The following TSC2 variants were observed in gnomAD, a reference collection of about 807,000 sequenced individuals.
TSC2 encodes TSC complex subunit 2.
TSC2 carries 29 observed loss-of-function variants against 202.2 expected under a neutral mutation model. The ratio of observed to expected loss-of-function variants is 0.14; its 90% CI spans 0.11 to 0.20. The LOEUF (loss-of-function observed/expected upper bound fraction) is 0.20, where lower values mean the gene tolerates loss of function less well. Among genes scored for constraint, TSC2 ranks in the 10% least tolerant of loss-of-function variants. The pLI is 1.00. For synonymous variants in TSC2, 1,349 were observed against 1,044.0 expected, an observed-to-expected ratio of 1.29 and a Z score of -5.63; for missense variants, 2,429 against 2,420.0, an observed-to-expected ratio of 1.00 and a Z score of -0.08.
At chr16:2,056,330 C>T in intron 7 of TSC2, 86 bp downstream of exon 7, 1 of 1,569,342 alleles carries the variant, frequency 6.4e-7, no homozygotes, top group Non-Finnish European at 8.7e-7. Flanking sequence ...TGTGTGCCAC[C>T]TGCTGGCTGT....
rs746177025 is a variant in TSC2, at chr16:2,060,693, G to C, written c.999G>C (p.Val333=). The change falls in exon 11 of 42, where the codon GTG becomes GTC. Residue 333 remains valine (V), a synonymous_variant. Coordinates refer to ENST00000219476, the MANE Select transcript of TSC2 (RefSeq NM_000548.5). ...FYQAMACPNE[V]VSYEIVLSIT... The stretch of plus-strand genomic sequence containing the variant: ...AGGCCATGGCATGTCCGAACGAGGT[G>C]GTGTCCTATGAGATCGTCCTGTCCA... 1 of 1,614,112 alleles carries C rather than the reference G, an allele frequency of 6.2e-7. No homozygotes were observed. The highest frequency in any genetic ancestry group is 1.1e-5 in the South Asian group (1 of 91,078).
intron 33 of TSC2, 142 bp downstream of exon 33, chr16:2,083,958 G>T: frequency 7.0e-7 from 1 of 1,421,128 alleles, no homozygotes; most frequent in Non-Finnish European, 9.3e-7. Flanking sequence ...GTGCACAGAC[G>T]GTCTGCACTT....
intron 5 of TSC2, 48 bp from the exon 6 acceptor site, chr16:2,055,354 G>C: frequency 6.9e-7 from 1 of 1,448,218 alleles, no homozygotes; most frequent in Non-Finnish European, 9.7e-7. Context: ...AGGTGAGTGG[G>C]AGATGTAGAT....
chr16:2,058,258 C>T (rs1049584022), intron 9 of TSC2, among the ~76,000 whole-genome samples: 2 of 152,248 alleles, frequency 1.3e-5, no homozygotes, highest in Admixed American at 6.5e-5. Context: ...CTCCCCTCCA[C>T]CAAGGGCTTG....
At chr16:2,057,780 T>G (rs1481963212) in intron 9 of TSC2, among the ~76,000 whole-genome samples, 1 of 149,614 alleles carries the variant, frequency 6.7e-6, no homozygotes, top group African/African-American at 2.5e-5. Context: ...GCCTCAGCCC[T>G]GCATCTCTCC....
chr16:2,057,628 C>T (rs1339457477), intron 9 of TSC2, among the ~76,000 whole-genome samples: 1 of 152,198 alleles, frequency 6.6e-6, no homozygotes, highest in Non-Finnish European at 1.5e-5. Context: ...TCCGCGCCTC[C>T]TGAAGCCCAC....
rs1596342301 is a variant in TSC2, at chr16:2,071,542, C to G, written c.1872C>G (p.Asp624Glu). The G allele has an allele frequency of 1.2e-6, 2 of 1,613,576 alleles. No individual in the cohort carries two copies. Among genetic ancestry groups the G allele is most frequent in the Non-Finnish European group, 8.5e-7 (1 of 1,180,030 alleles). ...AFDFLLLLRADSLHRLGLPNK... is the reference protein window; with the variant it reads ...AFDFLLLLRAESLHRLGLPNK... ...ACTTCCTGTTGCTGCTGCGGGCCGA[C>G]TCACTGCACCGCCTGGGCCTGCCCA... Residue 624 changes from aspartate to glutamate, a missense_variant, in exon 18 of 42, where the codon GAC (aspartate) becomes GAG (glutamate). Transcript: ENST00000219476.
chr16:2,063,953 T>G, intron 14 of TSC2: 2 of 453,458 alleles, frequency 4.4e-6, no homozygotes, highest in Non-Finnish European at 4.1e-6. Flanking sequence ...CAGCACCATG[T>G]GGGAGGGGTT....
Position 2,055,537 on chromosome 16 carries a change from A to G in TSC2, c.599+18A>G. The G allele has an allele frequency of 6.2e-7, 1 of 1,603,728 alleles. No individual in the cohort carries two copies. Among genetic ancestry groups the G allele is most frequent in the Non-Finnish European group, 8.5e-7 (1 of 1,170,616 alleles). On this transcript the variant is annotated intron_variant, in intron 6 of 41. Transcript: ENST00000219476. ...ATGGTTCAGTAAGAAAAGAATTGAG[A>G]TCCTGTTCTGATAATGGTCCTAAGT...
At chr16:2,078,745 T>G (rs2089738816) in intron 26 of TSC2, 1 of 502,030 alleles carries the variant, frequency 2.0e-6, no homozygotes, top group Non-Finnish European at 3.7e-6. Context: ...CAGGAGGCCG[T>G]AACCTAGTGC....
intron 22 of TSC2, 95 bp from the exon 23 acceptor site, chr16:2,075,704 C>A: frequency 7.4e-7 from 1 of 1,344,348 alleles, no homozygotes; most frequent in African/African-American, 1.4e-5. Context: ...TCCTCTGCAG[C>A]ACCCCATCGC....
intron 3 of TSC2, among the ~76,000 whole-genome samples, 155 bp downstream of exon 3, chr16:2,050,641 G>A (rs1005592627): frequency 1.9e-4 from 27 of 138,960 alleles, no homozygotes; most frequent in Admixed American, 1.6e-3. Flanking sequence ...TTGCTCTGTC[G>A]CCCAGGCTGG....
Position 2,070,417 on chromosome 16 carries a change from A to AC in TSC2, c.1717-37dup, listed in dbSNP as rs761073434. 6 of 1,612,766 alleles carry AC rather than the reference A, an allele frequency of 3.7e-6. No homozygotes were observed. The African/African-American group carries it at 8.0e-5, about 22-fold the overall frequency. ...GGTGCTGTCTTAGGACTGCGTTTTC[A>AC]CCTCCTGCGCCGTGGTGAGCTGCGT... On this transcript the variant is annotated intron_variant, in intron 16 of 41. Transcript: ENST00000219476.
At chr16:2,076,775 C>T (rs563208265) in intron 25 of TSC2, 190 bp downstream of exon 25, 22 of 634,082 alleles carry the variant, frequency 3.5e-5, no homozygotes, top group Non-Finnish European at 5.8e-5. Context: ...GCCGTGGTGG[C>T]CTGGGTCCGG....
In TSC2 at chr16:2,083,776, C is replaced by T. The variant is rs1380402492; in HGVS notation, c.3965C>T (p.Ala1322Val). The stretch of plus-strand genomic sequence containing the variant: ...CCCCCAGGGTTGGAGGACGTTGAGG[C>T]AGCGCTAGGCATGGACAGGCGCACG... ...VEPPGLEDVE[A>V]ALGMDRRTDA... Residue 1322 changes from alanine (A) to valine (V), a missense_variant, in exon 33 of 42, where the codon GCA (alanine) becomes GTA (valine). Coordinates refer to ENST00000219476, the MANE Select transcript of TSC2 (RefSeq NM_000548.5). 3.1e-6 allele frequency: 5 copies of T among 1,611,222 alleles called. No homozygotes were observed. The highest frequency in any genetic ancestry group is 3.4e-6 in the Non-Finnish European group (4 of 1,179,482).
chr16:2,078,106 T>A (rs1358931410), intron 26 of TSC2: 4 of 311,760 alleles, frequency 1.3e-5, no homozygotes, highest in African/African-American at 2.2e-5. Context: ...AAGGTTTATT[T>A]TTTGTTGTAG....
chr16:2,082,635 C>A (rs1012131801), intron 32 of TSC2, 131 bp downstream of exon 32: 1 of 976,378 alleles, frequency 1.0e-6, no homozygotes, highest in Non-Finnish European at 1.6e-6. Context: ...GGTCCCGACT[C>A]GCATGAGGAC....
At chr16:2,069,578 C>T (rs944434011) in intron 16 of TSC2, among the ~76,000 whole-genome samples, 3 of 151,732 alleles carry the variant, frequency 2.0e-5, no homozygotes, top group Non-Finnish European at 4.4e-5. Flanking sequence ...CTCCTGGGTT[C>T]ACGCCATTCT....
At chr16:2,054,191 G>C in intron 4 of TSC2, 105 bp from the exon 5 acceptor site, 1 of 1,573,104 alleles carries the variant, frequency 6.4e-7, no homozygotes, top group Non-Finnish European at 8.7e-7. Flanking sequence ...GGGAAGGAGA[G>C]GGGTCCAGGG....
Sources: allele counts gnomAD v4.1 joint callset (sites outside exome capture counted in the v4.1 genomes callset), GRCh38; gene constraint gnomAD v4.1.1; transcripts MANE v1.5; gene names NCBI Gene and HGNC (gene_info 2026-07-23, HGNC 2026-07-21).